The following NECTIN3 variants were observed in gnomAD, a reference collection of about 807,000 sequenced individuals.
NECTIN3 encodes nectin cell adhesion molecule 3, also known as nectin-3.
NECTIN3 carries 8 observed loss-of-function variants against 49.4 expected under a neutral mutation model. That is an observed-to-expected ratio of 0.16 (90% CI 0.10 to 0.29). The LOEUF (loss-of-function observed/expected upper bound fraction) is 0.29. Ranked by LOEUF, NECTIN3 falls within the 10% of genes least tolerant of loss-of-function variation. NECTIN3 has a pLI of 1.00. For missense variants in NECTIN3, 581 were observed against 654.6 expected, an observed-to-expected ratio of 0.89 and a Z score of 1.23; for synonymous variants, 277 against 241.1, an observed-to-expected ratio of 1.15 and a Z score of -1.38.
At position 111,159,571 on chromosome 3, in the gene NECTIN3, G is replaced by A. The variant is rs989548711; in HGVS notation, c.1221+12087G>A. Among the ~76,000 whole-genome samples, 7 of 152,260 alleles carry A rather than the reference G, an allele frequency of 4.6e-5. No homozygotes were observed. In the South Asian group the frequency reaches 8.3e-4, roughly 18 times the overall value. On this transcript the variant is annotated intron_variant, in intron 7 of 8. Coordinates refer to the NECTIN3 transcript ENST00000493615. Reference sequence around the variant, plus strand: ...GACAAGGGAGAGAGTTGTCAGGGCAGCACATGGCAAGTGTGAGTCATTGAC... The same window carrying A: ...GACAAGGGAGAGAGTTGTCAGGGCAACACATGGCAAGTGTGAGTCATTGAC...
intron 4 of NECTIN3, among the ~76,000 whole-genome samples, chr3:111,124,528 A>G (rs767530413): frequency 4.6e-5 from 7 of 152,226 alleles, no homozygotes; most frequent in Admixed American, 2.0e-4. Flanking sequence ...TAGAAAGTTT[A>G]TCTTTTGAAA....
At chr3:111,163,786 AT>A (rs1331740703) in intron 7 of NECTIN3, among the ~76,000 whole-genome samples, 1 of 151,864 alleles carries the variant, frequency 6.6e-6, no homozygotes, top group Non-Finnish European at 1.5e-5. Context: ...TGTCACAATG[AT>A]TTTTTTTCTT....
intron 5 of NECTIN3, chr3:111,144,812 A>G (rs959339637): frequency 7.2e-7 from 1 of 1,392,284 alleles, no homozygotes; most frequent in Non-Finnish European, 9.6e-7. Flanking sequence ...ACTTCAGTCA[A>G]ATAGTTTGCA....
intron 1 of NECTIN3, among the ~76,000 whole-genome samples, chr3:111,097,314 G>C (rs775347028): frequency 2.1e-5 from 3 of 142,388 alleles, no homozygotes; most frequent in African/African-American, 5.3e-5. Context: ...ATTGTATCTA[G>C]GAAGTAACTA....
chr3:111,134,481 TAAG>T lies in NECTIN3; in HGVS notation c.*272_*274del, dbSNP rs201982755. ...ACTTTATTGGTGTGAGGCACACAGG[TAAG>T]AAGAAATGTCAACATTAAATGTATG... On this transcript the variant is annotated 3_prime_UTR_variant, in exon 6 of 6. Coordinates refer to ENST00000485303, the MANE Select transcript of NECTIN3 (RefSeq NM_015480.3). The T allele has an allele frequency of 6.3e-5, 69 of 1,088,658 alleles. No homozygotes were observed. The East Asian group carries it at 3.2e-3, about 50-fold the overall frequency. 67.4% of individuals were successfully genotyped at this position (1,088,658 alleles called of 1,614,324 possible). A position where few individuals can be genotyped will look rare whatever the true frequency, so the allele number is the denominator to read the frequency against.
chr3:111,128,272 G>A (rs1247960422), intron 5 of NECTIN3, among the ~76,000 whole-genome samples: 1 of 150,228 alleles, frequency 6.7e-6, no homozygotes, highest in Non-Finnish European at 1.5e-5. Context: ...GGGAGGCAGA[G>A]ATTGCAGTGA....
intron 7 of NECTIN3, among the ~76,000 whole-genome samples, chr3:111,180,582 A>G (rs1048987611): frequency 6.6e-6 from 1 of 152,200 alleles, no homozygotes; most frequent in Non-Finnish European, 1.5e-5. Context: ...ATAATATTAT[A>G]TTAATTCTTT....
At chr3:111,111,088 G>T (rs1297501009) in intron 1 of NECTIN3, among the ~76,000 whole-genome samples, 1 of 152,012 alleles carries the variant, frequency 6.6e-6, no homozygotes, top group Non-Finnish European at 1.5e-5. Context: ...TTCTTGGTTT[G>T]TGTATTTGTT....
intron 7 of NECTIN3, among the ~76,000 whole-genome samples, chr3:111,163,330 C>T (rs1257864017): frequency 6.6e-6 from 1 of 152,134 alleles, no homozygotes; most frequent in Non-Finnish European, 1.5e-5. Flanking sequence ...AGATCACTTC[C>T]ACCATACTTC....
intron 1 of NECTIN3, among the ~76,000 whole-genome samples, chr3:111,108,302 T>G (rs1231914759): frequency 1.3e-5 from 2 of 151,998 alleles, no homozygotes; most frequent in Non-Finnish European, 2.9e-5. Context: ...GCCTTTTTTA[T>G]TGGGTGATTT....
intron 7 of NECTIN3, among the ~76,000 whole-genome samples, chr3:111,156,395 A>T (rs1020516426): frequency 6.6e-6 from 1 of 150,996 alleles, no homozygotes; most frequent in Non-Finnish European, 1.5e-5. Flanking sequence ...TAAAGAGGCC[A>T]TTGGTTAAAA....
chr3:111,121,069 C>T (rs1462439085), intron 3 of NECTIN3, among the ~76,000 whole-genome samples: 6 of 144,274 alleles, frequency 4.2e-5, no homozygotes, highest in African/African-American at 1.5e-4. Context: ...GTGGCGCGAA[C>T]TAGGCTCACT....
chr3:111,180,960 G>A (rs2035617754), intron 7 of NECTIN3, among the ~76,000 whole-genome samples: 1 of 152,028 alleles, frequency 6.6e-6, no homozygotes, highest in Non-Finnish European at 1.5e-5. Flanking sequence ...ACTTTATTGA[G>A]TTGGAGTTTA....
chr3:111,104,688 G>T (rs1392335812), intron 1 of NECTIN3, among the ~76,000 whole-genome samples: 1 of 151,884 alleles, frequency 6.6e-6, no homozygotes, highest in African/African-American at 2.4e-5. Flanking sequence ...ATGTGTTTTG[G>T]TTCTTATCAG....
chr3:111,147,526 T>G, intron 7 of NECTIN3: 1 of 1,403,710 alleles, frequency 7.1e-7, no homozygotes, highest in Non-Finnish European at 9.6e-7. Context: ...TAAGATACAA[T>G]TTAAAAAATA....
intron 1 of NECTIN3, among the ~76,000 whole-genome samples, chr3:111,086,022 G>A (rs1418071667): frequency 6.6e-6 from 1 of 152,028 alleles, no homozygotes; most frequent in Non-Finnish European, 1.5e-5. Flanking sequence ...AGCATGTAGT[G>A]GTGATTGTGA....
Position 111,149,734 on chromosome 3 carries a change from T to C in NECTIN3, c.1221+2250T>C, listed in dbSNP as rs193097830. The stretch of plus-strand genomic sequence containing the variant: ...ATTTTATTTTTTTTTTTACATTTCT[T>C]AGGAATATAATCTATTTGCTGCAAA... On this transcript the variant is annotated intron_variant, in intron 7 of 8. Transcript: ENST00000493615. Among the ~76,000 whole-genome samples, 3 of 152,054 alleles carry C rather than the reference T, an allele frequency of 2.0e-5. No individual in the cohort carries two copies. The East Asian group carries it at 5.8e-4, about 29-fold the overall frequency.
rs555960597 is a variant in NECTIN3 at position 111,175,911 on chromosome 3, A to T, written c.1222-16440A>T. On this transcript the variant is annotated intron_variant, in intron 7 of 8. Transcript: ENST00000493615. ...TTTTTTTGCATTGGTATTTTAAAAA[A>T]TTTATTTCCTCTACTATTTTTCCAA... 3.9e-5 allele frequency among the ~76,000 whole-genome samples: 6 copies of T among 152,312 alleles called. No homozygotes were observed. The South Asian group carries it at 1.0e-3, about 26-fold the overall frequency.
At chr3:111,173,770 A>G (rs1028443373) in intron 7 of NECTIN3, among the ~76,000 whole-genome samples, 4 of 152,144 alleles carry the variant, frequency 2.6e-5, no homozygotes, top group Non-Finnish European at 5.9e-5. Flanking sequence ...AGCCTTTAGT[A>G]AAGTGTACAG....
Sources: allele counts gnomAD v4.1 joint callset (sites outside exome capture counted in the v4.1 genomes callset), GRCh38; gene constraint gnomAD v4.1.1; transcripts MANE v1.5; gene names NCBI Gene and HGNC (gene_info 2026-07-23, HGNC 2026-07-21).